The following TMPRSS11A variants were observed in gnomAD, a reference collection of about 807,000 sequenced individuals.
TMPRSS11A encodes the protein transmembrane serine protease 11A.
Under a neutral mutation model 58.9 loss-of-function variants are expected in TMPRSS11A, and 53 were observed. The observed-to-expected ratio is 0.90, with a 90% CI of 0.72 to 1.13. TMPRSS11A has a LOEUF of 1.13. Among genes scored for constraint, TMPRSS11A ranks in the 50% most tolerant of loss-of-function variants. The pLI is 0.00. For synonymous variants in TMPRSS11A, 167 were observed against 169.8 expected, an observed-to-expected ratio of 0.98 and a Z score of 0.13; for missense variants, 493 against 499.3, an observed-to-expected ratio of 0.99 and a Z score of 0.12.
chr4:67,918,740 A>G (rs896998565), intron 8 of TMPRSS11A, among the ~76,000 whole-genome samples: 2 of 152,224 alleles, frequency 1.3e-5, no homozygotes, highest in African/African-American at 4.8e-5. Context: ...AGTGAAACTT[A>G]CTACACTTTT....
chr4:67,939,263 T>A (rs1322792754), intron 3 of TMPRSS11A, among the ~76,000 whole-genome samples: 1 of 152,186 alleles, frequency 6.6e-6, no homozygotes, highest in Admixed American at 6.5e-5. Flanking sequence ...GTACATTGAT[T>A]TTGTATCCTG....
intron 5 of TMPRSS11A, among the ~76,000 whole-genome samples, chr4:67,927,698 C>A (rs915923288): frequency 6.6e-6 from 1 of 152,208 alleles, no homozygotes; most frequent in Non-Finnish European, 1.5e-5. Context: ...AAAAGCAACA[C>A]CCCCTAGGCT....
intron 3 of TMPRSS11A, among the ~76,000 whole-genome samples, chr4:67,940,013 T>C (rs999425567): frequency 7.9e-5 from 12 of 152,148 alleles, no homozygotes; most frequent in African/African-American, 2.9e-4. Flanking sequence ...TGTTTTTAAT[T>C]CGGTTTATGT....
intron 4 of TMPRSS11A, 105 bp from the exon 5 acceptor site, chr4:67,930,145 G>C (rs1720574862): frequency 1.8e-5 from 19 of 1,027,518 alleles, no homozygotes; most frequent in Non-Finnish European, 2.5e-5. Context: ...GTTGCTGAGA[G>C]TGTCAAGTGC....
Position 67,929,071 on chromosome 4 carries a change from T to G in TMPRSS11A, c.481+809A>C, listed in dbSNP as rs184433824. Among the ~76,000 whole-genome samples, 176 of 152,334 alleles carry G rather than the reference T, an allele frequency of 1.2e-3. 1 individual carries two copies. The highest frequency in any genetic ancestry group is 3.1e-3 in the Admixed American group (48 of 15,298). On this transcript the variant is annotated intron_variant, in intron 5 of 9. Transcript: ENST00000508048. ...AAGATGTGTTTGACTATAGAAACCT[T>G]TTTTAATTGGAGCCTTTTAAGAAAT...
At chr4:67,932,590 T>C (rs1041935517) in intron 3 of TMPRSS11A, among the ~76,000 whole-genome samples, 1 of 152,170 alleles carries the variant, frequency 6.6e-6, no homozygotes, top group African/African-American at 2.4e-5. Context: ...CATAAGGCTA[T>C]GAAGGTTAAA....
At chr4:67,920,604 T>C (rs555367151) in intron 7 of TMPRSS11A, among the ~76,000 whole-genome samples, 1 of 149,506 alleles carries the variant, frequency 6.7e-6, no homozygotes, top group East Asian at 2.0e-4. Flanking sequence ...CACATATATA[T>C]GTATGCATAT....
At chr4:67,947,489 G>A (rs181532797) in intron 1 of TMPRSS11A, among the ~76,000 whole-genome samples, 1 of 152,158 alleles carries the variant, frequency 6.6e-6, no homozygotes, top group East Asian at 1.9e-4. Flanking sequence ...CTTTCCTGTG[G>A]TATTATTTAA....
At chr4:67,925,629 G>C (rs1475508209) in intron 5 of TMPRSS11A, among the ~76,000 whole-genome samples, 5 of 152,170 alleles carry the variant, frequency 3.3e-5, no homozygotes, top group African/African-American at 1.2e-4. Flanking sequence ...CAGGACCATC[G>C]ATTGCTGTTA....
rs185662471 is a variant in TMPRSS11A, at chr4:67,909,811, A to C, written c.*1531T>G. Reference sequence around the variant, plus strand: ...AGAATATACTCATATTCTTAAACATAACATAAGTATATTGGCCTATGTGAC... The same window carrying C: ...AGAATATACTCATATTCTTAAACATCACATAAGTATATTGGCCTATGTGAC... On this transcript the variant is annotated 3_prime_UTR_variant, in exon 10 of 10. Coordinates refer to ENST00000508048, the MANE Select transcript of TMPRSS11A (RefSeq NM_001114387.2). 1 of 152,242 alleles carries C rather than the reference A, an allele frequency of 6.6e-6. No homozygotes were observed. Among genetic ancestry groups the C allele is most frequent in the East Asian group, 1.9e-4 (1 of 5,194 alleles). 9.4% of individuals were successfully genotyped at this position (152,242 alleles called of 1,614,324 possible).
At chr4:67,938,423 T>C (rs1577863468) in intron 3 of TMPRSS11A, among the ~76,000 whole-genome samples, 1 of 152,208 alleles carries the variant, frequency 6.6e-6, no homozygotes, top group African/African-American at 2.4e-5. Flanking sequence ...AGGTCCAACT[T>C]ATCAATTTTT....
intron 7 of TMPRSS11A, among the ~76,000 whole-genome samples, chr4:67,920,459 C>T (rs936011003): frequency 4.0e-5 from 6 of 148,158 alleles, no homozygotes; most frequent in African/African-American, 7.5e-5. Flanking sequence ...GACAAAGTCT[C>T]GAATGTTCAG....
intron 3 of TMPRSS11A, 23 bp from the exon 4 acceptor site, chr4:67,932,083 CTA>C: frequency 7.4e-7 from 1 of 1,352,368 alleles, no homozygotes; most frequent in South Asian, 1.2e-5. Flanking sequence ...AAGAGAGAAA[CTA>C]TGTGTTAATA....
chr4:67,916,826 CAAAATA>C (rs761507817), intron 8 of TMPRSS11A, among the ~76,000 whole-genome samples: 19 of 151,380 alleles, frequency 1.3e-4, no homozygotes, highest in African/African-American at 2.2e-4. Flanking sequence ...GACTCTGTTT[CAAAATA>C]AAAATAAAAA....
rs73823386 is a variant in TMPRSS11A at position 67,955,124 on chromosome 4, T to C, written c.11+8259A>G. Among the ~76,000 whole-genome samples the C allele has an allele frequency of 5.6e-3, 859 of 152,228 alleles. 9 individuals are homozygous for C. Among genetic ancestry groups the C allele is most frequent in the African/African-American group, 0.019 (810 of 41,540 alleles). On this transcript the variant is annotated intron_variant, in intron 1 of 9. Transcript: ENST00000508048. ...GTTGCCCCATAGGAGGGAGTTTAGA[T>C]AGGTAAGGTGTCAGGAAGTACCAGA...
intron 1 of TMPRSS11A, among the ~76,000 whole-genome samples, chr4:67,951,195 T>A (rs1721148607): frequency 1.3e-5 from 2 of 152,262 alleles, no homozygotes; most frequent in African/African-American, 4.8e-5. Context: ...TTATTTGGGA[T>A]TTAGAAAGAT....
rs1026704414 is a variant in TMPRSS11A at position 67,931,150 on chromosome 4, G to T, written c.320+843C>A. Among the ~76,000 whole-genome samples, 11 of 152,162 alleles carry T rather than the reference G, an allele frequency of 7.2e-5. No individual in the cohort carries two copies. The East Asian group carries it at 1.9e-3, about 27-fold the overall frequency. On this transcript the variant is annotated intron_variant, in intron 4 of 9. Coordinates refer to ENST00000508048, the MANE Select transcript of TMPRSS11A (RefSeq NM_001114387.2). ...AAAACATGAAATCTAGAAAGTTCTA[G>T]CATTTATATGCTTTTTCCCTCCTAA... is the stretch of plus-strand genomic sequence containing the variant.
intron 3 of TMPRSS11A, among the ~76,000 whole-genome samples, chr4:67,938,173 A>T (rs1345692087): frequency 2.0e-5 from 3 of 152,064 alleles, no homozygotes; most frequent in Admixed American, 6.5e-5. Flanking sequence ...GCATTTGTTC[A>T]TATGTTTCTT....
intron 8 of TMPRSS11A, among the ~76,000 whole-genome samples, chr4:67,917,408 T>C (rs1442449795): frequency 6.6e-6 from 1 of 152,218 alleles, no homozygotes; most frequent in Non-Finnish European, 1.5e-5. Flanking sequence ...ATTTTTATGT[T>C]ATCTTTCTGT....
Sources: gnomAD v4.1 joint callset for allele counts (sites outside exome capture counted in the v4.1 genomes callset) on GRCh38, gnomAD v4.1.1 for gene constraint, MANE v1.5 for transcripts, NCBI Gene and HGNC (gene_info 2026-07-23, HGNC 2026-07-21) for gene names.